LGMN: variants seen among roughly 807,000 people sequenced by gnomAD.
LGMN encodes the protein asparaginyl endopeptidase.
In LGMN, 36 loss-of-function variants were observed where a neutral mutation model predicts 56.8. That is an observed-to-expected ratio of 0.63 (90% CI 0.49 to 0.84). LGMN has a LOEUF of 0.84. Among genes scored for constraint, LGMN ranks in the 40% least tolerant of loss-of-function variants. The pLI, the probability that LGMN is intolerant of heterozygous loss-of-function variation, is 0.00. For missense variants in LGMN, 446 were observed against 556.1 expected, an observed-to-expected ratio of 0.80 and a Z score of 1.99; for synonymous variants, 199 against 210.1, an observed-to-expected ratio of 0.95 and a Z score of 0.46.
chr14:92,718,788 C>A lies in LGMN; in HGVS notation c.195G>T (p.Gln65His). The A allele has an allele frequency of 6.2e-7, 1 of 1,613,372 alleles. No homozygotes were observed. Among genetic ancestry groups the A allele is most frequent in the South Asian group, 1.1e-5 (1 of 91,054 alleles). The change falls in exon 3 of 14, where the codon CAG (glutamine) becomes CAT (histidine). Residue 65 changes from glutamine (Q) to histidine (H), a missense_variant. By Grantham distance (24) the Gln-to-His change is conservative. Transcript: ENST00000334869. ...IIHRNGIPDE[Q>H]IVVMMYDDIA... ...TGTCATCGTACATCATCACAACGAT[C>A]TGTTCGTCAGGAATCCCATTGCGGT...
chr14:92,728,574 C>A (rs1249719458), intron 2 of LGMN, among the ~76,000 whole-genome samples: 2 of 152,154 alleles, frequency 1.3e-5, no homozygotes, highest in South Asian at 4.1e-4. Flanking sequence ...ACTTGTTATA[C>A]GGCGCATGAC....
chr14:92,709,899 CGAGA>C (rs1566916161), intron 10 of LGMN, 27 bp from the exon 11 acceptor site: 2 of 1,542,762 alleles, frequency 1.3e-6, no homozygotes, highest in African/African-American at 2.7e-5. Context: ...CAAGAGAGAG[CGAGA>C]GAGAAAGCGA....
intron 1 of LGMN, among the ~76,000 whole-genome samples, chr14:92,747,158 A>T (rs926703863): frequency 5.9e-5 from 9 of 152,150 alleles, no homozygotes; most frequent in African/African-American, 2.2e-4. Context: ...TTCCAGATGA[A>T]ACACTTTTCT....
chr14:92,704,491 C>A (rs1261875590), intron 13 of LGMN, 130 bp from the exon 14 acceptor site: 1 of 1,046,886 alleles, frequency 9.6e-7, no homozygotes, highest in Non-Finnish European at 1.5e-6. Flanking sequence ...GAGAACGTGG[C>A]TTCTGGACCC....
chr14:92,729,387 G>A (rs1301676689), intron 2 of LGMN, among the ~76,000 whole-genome samples: 2 of 134,974 alleles, frequency 1.5e-5, no homozygotes, highest in Non-Finnish European at 3.1e-5. Context: ...CTGATTCCAC[G>A]ACTTCCAAAG....
At position 92,711,881 on chromosome 14, in the gene LGMN, G is replaced by C. The variant is rs371679365; in HGVS notation, c.685C>G (p.Leu229Val). ...CAGTTGACGCTGTACCAGTCCCCCA[G>C]GTACGTGGACCTCTTCTCATCATAG... is the stretch of plus-strand genomic sequence containing the variant. ...CYYDEKRSTY[L>V]GDWYSVNWME... The change falls in exon 9 of 14, where the codon CTG becomes GTG. Residue 229 changes from leucine to valine, a missense_variant. By Grantham distance (32) the Leu-to-Val change is conservative. Coordinates refer to ENST00000334869, the MANE Select transcript of LGMN (RefSeq NM_005606.7). 6.2e-7 allele frequency: 1 copy of C among 1,613,986 alleles called. No homozygotes were observed. Among genetic ancestry groups the C allele is most frequent in the Non-Finnish European group, 8.5e-7 (1 of 1,179,998 alleles).
chr14:92,717,507 G>A (rs770464261), intron 3 of LGMN, 46 bp from the exon 4 acceptor site: 14 of 1,344,444 alleles, frequency 1.0e-5, no homozygotes, highest in East Asian at 6.9e-5. Context: ...GCATGCCTCC[G>A]AAATCTCTCT....
At chr14:92,735,850 G>A in intron 1 of LGMN, among the ~76,000 whole-genome samples, 1 of 151,452 alleles carries the variant, frequency 6.6e-6, no homozygotes, top group East Asian at 1.9e-4. Context: ...ATAACAGATA[G>A]GTCAGTGGAG....
intron 2 of LGMN, among the ~76,000 whole-genome samples, chr14:92,721,567 G>T (rs557383388): frequency 2.6e-4 from 39 of 152,256 alleles, no homozygotes; most frequent in South Asian, 1.9e-3. Flanking sequence ...AGTGTAATTG[G>T]CACTCCACTC....
At chr14:92,740,882 T>C (rs1222185041) in intron 1 of LGMN, among the ~76,000 whole-genome samples, 1 of 152,146 alleles carries the variant, frequency 6.6e-6, no homozygotes, top group African/African-American at 2.4e-5. Context: ...AGGTCAGTAA[T>C]TCACTTAAAA....
At chr14:92,719,269 G>GCCACCGCCACCACCGCCACCA (rs1400244430) in intron 2 of LGMN, among the ~76,000 whole-genome samples, 1 of 15,574 alleles carries the variant, frequency 6.4e-5, no homozygotes. Context: ...CGCCACCGCC[G>GCCACCGCCACCACCGCCACCA]CCGCCGCCAC....
rs370383475 is a variant in LGMN, at chr14:92,711,721, T to C, written c.757A>G (p.Lys253Glu). Residue 253 changes from lysine (K) to glutamate (E), a missense_variant, in exon 10 of 14, where the codon AAG becomes GAG. Coordinates refer to ENST00000334869, the MANE Select transcript of LGMN (RefSeq NM_005606.7). ...TGCGATTTTACCAGGTGGTACTGCT[T>C]GTGCAGGGTCTCTTTAGTCAGATCT... Reference protein sequence around the residue: ...VEDLTKETLHKQYHLVKSHTN... With the variant: ...VEDLTKETLHEQYHLVKSHTN... The C allele has an allele frequency of 1.2e-6, 2 of 1,614,088 alleles. No homozygotes were observed. The highest frequency in any genetic ancestry group is 2.7e-5 in the African/African-American group (2 of 74,934).
intron 1 of LGMN, among the ~76,000 whole-genome samples, chr14:92,734,894 C>T (rs1039070379): frequency 1.3e-5 from 2 of 152,172 alleles, no homozygotes; most frequent in Non-Finnish European, 2.9e-5. Context: ...CGCCACTCAG[C>T]CAGAGTCTCT....
At chr14:92,719,317 G>GCCGCCGCCA (rs1566924620) in intron 2 of LGMN, among the ~76,000 whole-genome samples, 16 of 38,354 alleles carry the variant, frequency 4.2e-4, no homozygotes, top group African/African-American at 9.7e-4. Context: ...CGCCACCGCC[G>GCCGCCGCCA]CCGCCGCCAC....
At chr14:92,747,042 A>G (rs921017277) in intron 1 of LGMN, among the ~76,000 whole-genome samples, 17 of 151,458 alleles carry the variant, frequency 1.1e-4, no homozygotes, top group Non-Finnish European at 2.4e-4. Context: ...TCTCAAAAAA[A>G]AAAAAAAAAA....
At chr14:92,719,983 C>G (rs1890370923) in intron 2 of LGMN, among the ~76,000 whole-genome samples, 1 of 152,196 alleles carries the variant, frequency 6.6e-6, no homozygotes, top group Non-Finnish European at 1.5e-5. Context: ...ACAGTGCACT[C>G]TAAACAACAC....
chr14:92,733,164 AAAG>A (rs1157607482), intron 1 of LGMN, among the ~76,000 whole-genome samples: 4 of 151,948 alleles, frequency 2.6e-5, no homozygotes, highest in African/African-American at 9.7e-5. Flanking sequence ...AAAAAAAAAA[AAAG>A]AACAGATAAA....
At chr14:92,723,746 T>C (rs934771721) in intron 2 of LGMN, among the ~76,000 whole-genome samples, 3 of 152,198 alleles carry the variant, frequency 2.0e-5, no homozygotes, top group Non-Finnish European at 4.4e-5. Flanking sequence ...CAACTTTTTT[T>C]TTTTTGAGTC....
Position 92,739,031 on chromosome 14 carries a change from AC to A in LGMN, c.-29-6217del, listed in dbSNP as rs1362653891. ...AGACTCTGTCTCAAAAAAAAAAAAAACAAAAAAAACCCCACATACACTAACA... is the reference window on the plus strand; with the variant it reads ...AGACTCTGTCTCAAAAAAAAAAAAAAAAAAAAAACCCCACATACACTAACA... On this transcript the variant is annotated intron_variant, in intron 1 of 13. Transcript: ENST00000334869. Among the ~76,000 whole-genome samples, 22 of 151,542 alleles carry A rather than the reference AC, an allele frequency of 1.5e-4. No individual in the cohort carries two copies. The East Asian group carries it at 3.1e-3, about 21-fold the overall frequency.
Sources: allele counts gnomAD v4.1 joint callset (sites outside exome capture counted in the v4.1 genomes callset), GRCh38; gene constraint gnomAD v4.1.1; transcripts MANE v1.5; gene names NCBI Gene and HGNC (gene_info 2026-07-23, HGNC 2026-07-21).